The following GLDN variants were observed in gnomAD, a reference collection of about 807,000 sequenced individuals.
The protein encoded by GLDN is gliomedin.
Under a neutral mutation model 56.5 loss-of-function variants are expected in GLDN, and 47 were observed. The ratio of observed to expected loss-of-function variants is 0.83; its 90% confidence interval spans 0.66 to 1.06. The LOEUF is 1.06. GLDN is among the 50% of genes least tolerant of loss of function. The pLI, the probability that GLDN is intolerant of heterozygous loss-of-function variation, is 0.00. For synonymous variants in GLDN, 332 were observed against 278.8 expected (o/e 1.19, Z -1.90); for missense variants, 782 against 714.3 (o/e 1.09, Z -1.08).
chr15:51,346,964 G>A (rs112776765), intron 1 of GLDN, among the ~76,000 whole-genome samples: 4,575 of 152,224 alleles, frequency 0.03, 245 homozygotes, highest in African/African-American at 0.11. Flanking sequence ...TACTCGGGAG[G>A]CTGAGGCGGG....
At chr15:51,355,631 C>G (rs1164686869) in intron 1 of GLDN, among the ~76,000 whole-genome samples, 1 of 149,284 alleles carries the variant, frequency 6.7e-6, no homozygotes, top group African/African-American at 2.5e-5. Context: ...TCAAGCGATT[C>G]TCCTGCCTCA....
chr15:51,382,137 A>C (rs2037776453), intron 2 of GLDN, among the ~76,000 whole-genome samples: 1 of 152,042 alleles, frequency 6.6e-6, no homozygotes, highest in Non-Finnish European at 1.5e-5. Context: ...GCCAGACCTC[A>C]TCTGCTGCCA....
At chr15:51,389,534 AGGAT>A (rs2037970875) in intron 4 of GLDN, among the ~76,000 whole-genome samples, 1 of 152,162 alleles carries the variant, frequency 6.6e-6, no homozygotes, top group Non-Finnish European at 1.5e-5. Flanking sequence ...ATGAGCAAAT[AGGAT>A]ACTGTGCAGA....
intron 1 of GLDN, among the ~76,000 whole-genome samples, chr15:51,365,366 TG>T (rs1176974084): frequency 6.6e-6 from 1 of 152,260 alleles, no homozygotes; most frequent in Non-Finnish European, 1.5e-5. Flanking sequence ...ATTAATTTTT[TG>T]TGTATAATAC....
chr15:51,356,024 G>A (rs1187743098), intron 1 of GLDN, among the ~76,000 whole-genome samples: 16 of 150,132 alleles, frequency 1.1e-4, no homozygotes, highest in Admixed American at 6.0e-4. Flanking sequence ...TGGCTAACAT[G>A]GTGAAACCCC....
At chr15:51,357,619 A>G (rs2037210768) in intron 1 of GLDN, among the ~76,000 whole-genome samples, 1 of 152,162 alleles carries the variant, frequency 6.6e-6, no homozygotes, top group East Asian at 1.9e-4. Context: ...ACCTTTTTCT[A>G]CCTTTCCTGA....
downstream of GLDN, among the ~76,000 whole-genome samples, chr15:51,410,256 A>C (rs2038451828): frequency 6.6e-6 from 1 of 152,204 alleles, no homozygotes; most frequent in Non-Finnish European, 1.5e-5. Flanking sequence ...TGCAGTGAAC[A>C]CTGCGATGCA....
chr15:51,401,972 C>G (rs1164088825), intron 9 of GLDN, among the ~76,000 whole-genome samples: 1 of 152,150 alleles, frequency 6.6e-6, no homozygotes, highest in Non-Finnish European at 1.5e-5. Context: ...CTGGACAGCC[C>G]GAGGAAGGTC....
intron 4 of GLDN, among the ~76,000 whole-genome samples, chr15:51,394,530 T>C (rs1048895780): frequency 6.6e-6 from 1 of 152,110 alleles, no homozygotes; most frequent in African/African-American, 2.4e-5. Flanking sequence ...GGAGAATTGC[T>C]TGAACCAGGG....
In GLDN at chr15:51,383,710, G is replaced by GT. The variant is rs1221654450; in HGVS notation, c.434-75_434-74insT. The GT allele has an allele frequency of 2.6e-6, 3 of 1,166,080 alleles. No individual in the cohort carries two copies. In the African/African-American group the frequency reaches 4.7e-5, roughly 18 times the overall value. 72.2% of individuals were successfully genotyped at this position (1,166,080 alleles called of 1,614,324 possible). A position where few individuals can be genotyped will look rare whatever the true frequency, so the allele number is the denominator to read the frequency against. On this transcript the variant is annotated intron_variant, in intron 3 of 9. Transcript: ENST00000335449. ...TGCCTGCTCAGTTTCACTGGTAAAG[G>GT]AAATGACAGTAACTTCAGTGAATAA... is the stretch of plus-strand genomic sequence containing the variant.
intron 1 of GLDN, among the ~76,000 whole-genome samples, chr15:51,359,418 A>G (rs1474847614): frequency 6.6e-6 from 1 of 152,212 alleles, no homozygotes; most frequent in African/African-American, 2.4e-5. Flanking sequence ...GATCTCTGGT[A>G]CCTAAGCCAG....
intron 1 of GLDN, among the ~76,000 whole-genome samples, chr15:51,357,715 G>A (rs1198939425): frequency 6.6e-6 from 1 of 152,202 alleles, no homozygotes; most frequent in Non-Finnish European, 1.5e-5. Context: ...ACAGCCAGAA[G>A]CCTCTACTCT....
At chr15:51,390,575 T>A (rs1436588555) in intron 4 of GLDN, among the ~76,000 whole-genome samples, 1 of 152,126 alleles carries the variant, frequency 6.6e-6, no homozygotes, top group Non-Finnish European at 1.5e-5. Flanking sequence ...AAAGCCCTCC[T>A]CCGTATTTGT....
chr15:51,387,702 G>T lies in GLDN; in HGVS notation c.541+3810G>T, dbSNP rs187922679. On this transcript the variant is annotated intron_variant, in intron 4 of 9. Coordinates refer to ENST00000335449, the MANE Select transcript of GLDN (RefSeq NM_181789.4). ...CAGGGGTGGCATAGGAGAGGTGTGG[G>T]AGTGCATTCCACAAAAAGGGAACAA... Among the ~76,000 whole-genome samples the T allele has an allele frequency of 1.5e-3, 230 of 152,236 alleles. 2 individuals are homozygous for T. Among genetic ancestry groups the T allele is most frequent in the African/African-American group, 5.4e-3 (223 of 41,524 alleles).
rs16964336 is a variant in GLDN at position 51,399,395 on chromosome 15, T to G, written c.818-797T>G. Among the ~76,000 whole-genome samples, 592 of 152,332 alleles carry G rather than the reference T, an allele frequency of 3.9e-3. 5 individuals are homozygous for G. Among genetic ancestry groups the G allele is most frequent in the African/African-American group, 0.013 (535 of 41,572 alleles). On this transcript the variant is annotated intron_variant, in intron 6 of 9. Transcript: ENST00000335449. The stretch of plus-strand genomic sequence containing the variant: ...AGGTTCAGTCCATGTCCTGTCCTCT[T>G]CATCCTGGCCACATTCATCCTCCTC...
At position 51,394,991 on chromosome 15, in the gene GLDN, G is replaced by A; in HGVS notation, c.688+10G>A. The stretch of plus-strand genomic sequence containing the variant: ...GACGTGCTCCTGGCAGGTAAGAGGG[G>A]TACGCTGTGGCTCTCTTTGAGGGCT... On this transcript the variant is annotated intron_variant, in intron 5 of 9. Transcript: ENST00000335449. The A allele has an allele frequency of 7.0e-6, 11 of 1,574,292 alleles. No homozygotes were observed. Among genetic ancestry groups the A allele is most frequent in the Non-Finnish European group, 9.4e-6 (11 of 1,164,458 alleles).
At chr15:51,379,279 C>T (rs2037702847) in intron 2 of GLDN, among the ~76,000 whole-genome samples, 1 of 152,216 alleles carries the variant, frequency 6.6e-6, no homozygotes, top group Non-Finnish European at 1.5e-5. Flanking sequence ...GACCCAGAAG[C>T]ATATCTTCTG....
At chr15:51,369,665 C>T (rs1169794891) in intron 1 of GLDN, among the ~76,000 whole-genome samples, 1 of 152,220 alleles carries the variant, frequency 6.6e-6, no homozygotes, top group Non-Finnish European at 1.5e-5. Context: ...ATGAGAAAGA[C>T]ATGCTTTTGA....
chr15:51,379,024 C>A (rs1384636036), intron 2 of GLDN, among the ~76,000 whole-genome samples: 1 of 152,184 alleles, frequency 6.6e-6, no homozygotes, highest in Non-Finnish European at 1.5e-5. Context: ...AGCAGGCACT[C>A]ATAACTTGAG....
Sources: allele counts gnomAD v4.1 joint callset (sites outside exome capture counted in the v4.1 genomes callset), GRCh38; gene constraint gnomAD v4.1.1; transcripts MANE v1.5; gene names NCBI Gene and HGNC (gene_info 2026-07-23, HGNC 2026-07-21).